Variants in STK3 observed in about 807,000 individuals in gnomAD.
STK3 encodes the protein serine/threonine-protein kinase 3.
STK3 carries 41 observed loss-of-function variants against 58.0 expected under a neutral mutation model. That is an observed-to-expected ratio of 0.71 (90% CI 0.55 to 0.92). STK3 has a LOEUF of 0.92. Among genes scored for constraint, STK3 ranks in the 40% least tolerant of loss-of-function variants. STK3 has a pLI of 0.00. For synonymous variants in STK3, 170 were observed against 191.0 expected, an observed-to-expected ratio of 0.89 and a Z score of 0.91; for missense variants, 479 against 602.7, an observed-to-expected ratio of 0.79 and a Z score of 2.15.
chr8:98,713,087 A>G lies in STK3; in HGVS notation c.352-5776T>C, dbSNP rs1366335663. On this transcript the variant is annotated intron_variant, in intron 4 of 10. Transcript: ENST00000419617. The stretch of plus-strand genomic sequence containing the variant: ...AATAAAGATGTTCTTTGAAACCAAC[A>G]AGAACAAAGACACAACATACCAGAA... Among the ~76,000 whole-genome samples, 10 of 152,232 alleles carry G rather than the reference A, an allele frequency of 6.6e-5. No homozygotes were observed. In the East Asian group the frequency reaches 9.7e-4, roughly 15 times the overall value.
chr8:98,867,393 G>A (rs754146786), intron 3 of STK3, among the ~76,000 whole-genome samples: 42 of 152,190 alleles, frequency 2.8e-4, no homozygotes, highest in Non-Finnish European at 5.9e-4. Flanking sequence ...CAGCCTGGGT[G>A]ATAGGAGTGA....
chr8:98,740,547 G>A (rs1050799375), intron 4 of STK3, among the ~76,000 whole-genome samples: 3 of 152,164 alleles, frequency 2.0e-5, no homozygotes, highest in Non-Finnish European at 2.9e-5. Context: ...CAAAGGCTGA[G>A]AGATTTTGTC....
chr8:98,769,201 G>C (rs943997069), intron 2 of STK3, among the ~76,000 whole-genome samples: 10 of 152,314 alleles, frequency 6.6e-5, no homozygotes, highest in African/African-American at 2.4e-4. Flanking sequence ...GAATCTTAAA[G>C]ATGAGAATCT....
At chr8:98,486,132 C>T (rs1487179136) in intron 10 of STK3, among the ~76,000 whole-genome samples, 1 of 152,136 alleles carries the variant, frequency 6.6e-6, no homozygotes. Flanking sequence ...TGCCTTTTGG[C>T]GTTGGGCATG....
the STK3 span, among the ~76,000 whole-genome samples, chr8:98,359,993 T>C: frequency 2.0e-5 from 3 of 152,304 alleles, no homozygotes; most frequent in African/African-American, 7.2e-5. Flanking sequence ...GACGTTGTAA[T>C]GTACCTTGTG....
chr8:98,390,653 T>C (rs1350125960), upstream of STK3, among the ~76,000 whole-genome samples: 2 of 152,158 alleles, frequency 1.3e-5, no homozygotes, highest in Non-Finnish European at 2.9e-5. Flanking sequence ...TTTGTCTCCT[T>C]CCTTTCTGGG....
intron 1 of STK3, among the ~76,000 whole-genome samples, chr8:98,814,498 C>T (rs1322293992): frequency 2.0e-5 from 3 of 151,816 alleles, no homozygotes; most frequent in South Asian, 2.1e-4. Context: ...TGCGCCACCA[C>T]GCCCAGCTAA....
chr8:98,829,050 G>A (rs1835432167), upstream of STK3, among the ~76,000 whole-genome samples: 1 of 152,160 alleles, frequency 6.6e-6, no homozygotes, highest in Admixed American at 6.5e-5. Flanking sequence ...GACATCAGAA[G>A]CCCCTTGGCT....
intron 7 of STK3, among the ~76,000 whole-genome samples, chr8:98,587,226 T>C (rs1230300418): frequency 3.3e-5 from 5 of 152,112 alleles, no homozygotes; most frequent in Non-Finnish European, 5.9e-5. Context: ...CTTTCTCTTG[T>C]GGGCATTTAG....
chr8:98,703,014 T>G (rs188515698), intron 6 of STK3, among the ~76,000 whole-genome samples: 2 of 152,216 alleles, frequency 1.3e-5, no homozygotes, highest in Non-Finnish European at 2.9e-5. Flanking sequence ...TTGTAGATTA[T>G]TGATTACCTC....
intron 6 of STK3, among the ~76,000 whole-genome samples, chr8:98,636,878 T>A (rs868008351): frequency 4.3e-4 from 65 of 152,102 alleles, no homozygotes; most frequent in Admixed American, 5.2e-4. Flanking sequence ...ATATAAACTA[T>A]CCAAAACTAA....
chr8:98,811,860 T>C (rs980527274), intron 1 of STK3, among the ~76,000 whole-genome samples: 2 of 152,242 alleles, frequency 1.3e-5, no homozygotes, highest in Non-Finnish European at 2.9e-5. Flanking sequence ...TCTTGGTCTG[T>C]CACCCAGGCT....
chr8:98,858,388 A>G (rs1286543750), intron 3 of STK3, among the ~76,000 whole-genome samples: 1 of 145,040 alleles, frequency 6.9e-6, no homozygotes, highest in Non-Finnish European at 1.5e-5. Context: ...GTATATATAC[A>G]TAACTCCTGA....
intron 2 of STK3, among the ~76,000 whole-genome samples, chr8:98,373,228 G>C (rs1817629558): frequency 2.0e-5 from 3 of 152,122 alleles, no homozygotes; most frequent in East Asian, 3.8e-4. Context: ...AGCCATATCA[G>C]TGCCCTTAAC....
At chr8:98,547,909 T>C (rs1359704362) in intron 9 of STK3, 60 bp downstream of exon 9, 6 of 1,396,698 alleles carry the variant, frequency 4.3e-6, no homozygotes, top group Non-Finnish European at 5.6e-6. Flanking sequence ...CTAGCCTGGT[T>C]CCTATAAAAG....
intron 1 of STK3, among the ~76,000 whole-genome samples, chr8:98,941,196 A>C (rs933932610): frequency 6.6e-6 from 1 of 152,246 alleles, no homozygotes; most frequent in Non-Finnish European, 1.5e-5. Context: ...AGCCCTGCTG[A>C]GAGCACGGGC....
chr8:98,453,979 GTTC>G (rs1332621492), downstream of STK3, among the ~76,000 whole-genome samples: 3 of 152,076 alleles, frequency 2.0e-5, no homozygotes, highest in Non-Finnish European at 2.9e-5. Context: ...TGTAAATTCA[GTTC>G]TTCATTTTTT....
chr8:98,590,774 T>G (rs1185645666), intron 7 of STK3, among the ~76,000 whole-genome samples: 1 of 152,234 alleles, frequency 6.6e-6, no homozygotes, highest in Non-Finnish European at 1.5e-5. Flanking sequence ...TGCATTTATC[T>G]TATGAACTAA....
At chr8:98,376,168 G>C (rs1817672197) in intron 2 of STK3, among the ~76,000 whole-genome samples, 1 of 152,084 alleles carries the variant, frequency 6.6e-6, no homozygotes, top group South Asian at 2.1e-4. Context: ...TTCCCTAATG[G>C]CTAATTTTAT....
Sources: gnomAD v4.1 joint callset for allele counts (sites outside exome capture counted in the v4.1 genomes callset) on GRCh38, gnomAD v4.1.1 for gene constraint, MANE v1.5 for transcripts, NCBI Gene and HGNC (gene_info 2026-07-23, HGNC 2026-07-21) for gene names.